STX17: variants seen among roughly 807,000 people sequenced by gnomAD.
STX17 encodes syntaxin-17.
Under a neutral mutation model 35.9 loss-of-function variants are expected in STX17, and 29 were observed. The observed-to-expected ratio is 0.81, with a 90% CI of 0.60 to 1.10. STX17 has a LOEUF of 1.10. Ranked by LOEUF, STX17 falls within the 50% of genes least tolerant of loss-of-function variation. The pLI is 0.00. For missense variants in STX17, 312 were observed against 352.3 expected, an observed-to-expected ratio of 0.89 and a Z score of 0.92; for synonymous variants, 92 against 118.3, an observed-to-expected ratio of 0.78 and a Z score of 1.44.
At position 99,972,255 on chromosome 9, in the gene STX17, A is replaced by G. The variant is rs931906228; in HGVS notation, c.*3582A>G. 3.3e-5 allele frequency among the ~76,000 whole-genome samples: 5 copies of G among 152,246 alleles called. No individual in the cohort carries two copies. The highest frequency in any genetic ancestry group is 2.0e-4 in the Admixed American group (3 of 15,288). ...CACTAGTTATAACCATTGTTTAAAC[A>G]GTGCTTTTTGTGTAATTTAAAAATA... On this transcript the variant is annotated 3_prime_UTR_variant, in exon 8 of 8. Transcript: ENST00000259400.
In STX17 at chr9:99,971,997, T is replaced by A. The variant is rs1415396156; in HGVS notation, c.*3324T>A. 1.3e-5 allele frequency among the ~76,000 whole-genome samples: 2 copies of A among 152,088 alleles called. No individual in the cohort carries two copies. The highest frequency in any genetic ancestry group is 1.9e-4 in the East Asian group (1 of 5,192). ...CAAGACCCTCTCTCAAAAAAATATT[T>A]AAAAAAAGGTGGGTCATCCATTCTC... On this transcript the variant is annotated 3_prime_UTR_variant, in exon 8 of 8. Coordinates refer to ENST00000259400, the MANE Select transcript of STX17 (RefSeq NM_017919.3).
Position 99,954,301 on chromosome 9 carries a change from T to A in STX17, c.415+3016T>A, listed in dbSNP as rs1829665604. Among the ~76,000 whole-genome samples the A allele has an allele frequency of 2.0e-5, 3 of 152,026 alleles. No homozygotes were observed. The South Asian group carries it at 6.2e-4, about 31-fold the overall frequency. ...ATAGTGTATAGAATTTCAAATTCAATAGTCTGCTTGTCATAGTGTGCTTTC... is the reference window on the plus strand; with the variant it reads ...ATAGTGTATAGAATTTCAAATTCAAAAGTCTGCTTGTCATAGTGTGCTTTC... On this transcript the variant is annotated intron_variant, in intron 4 of 7. Transcript: ENST00000259400.
chr9:99,916,309 T>G (rs974815595), intron 2 of STX17: 1 of 171,260 alleles, frequency 5.8e-6, no homozygotes, highest in African/African-American at 2.4e-5. Context: ...TTATGTTGTC[T>G]TATTTGCTGT....
intron 1 of STX17, among the ~76,000 whole-genome samples, chr9:99,909,453 A>G (rs574835957): frequency 3.0e-4 from 45 of 152,352 alleles, no homozygotes; most frequent in African/African-American, 1.0e-3. Context: ...AAACATTTTG[A>G]TAGGAATGAT....
In STX17 at chr9:99,960,156, G is replaced by T; in HGVS notation, c.582+1G>T. On this transcript the variant is annotated splice_donor_variant, in intron 6 of 7. Coordinates refer to ENST00000259400, the MANE Select transcript of STX17 (RefSeq NM_017919.3). LOFTEE classifies it high-confidence loss of function. ...CACTGACTTCTCTCTCCTAGTGAATGTAAGTATATAACTGTTTTGGATGCA... is the reference window on the plus strand; with the variant it reads ...CACTGACTTCTCTCTCCTAGTGAATTTAAGTATATAACTGTTTTGGATGCA... 3.1e-6 allele frequency: 5 copies of T among 1,613,766 alleles called. No homozygotes were observed. Among genetic ancestry groups the T allele is most frequent in the Non-Finnish European group, 4.2e-6 (5 of 1,179,762 alleles).
At chr9:99,930,093 A>G (rs1370969990) in intron 3 of STX17, among the ~76,000 whole-genome samples, 1 of 147,044 alleles carries the variant, frequency 6.8e-6, no homozygotes, top group Non-Finnish European at 1.5e-5. Flanking sequence ...TTGTATTTTT[A>G]GTTGAGATAG....
intron 2 of STX17, among the ~76,000 whole-genome samples, chr9:99,925,656 G>A (rs147613075): frequency 7.2e-5 from 11 of 152,088 alleles, no homozygotes; most frequent in African/African-American, 1.4e-4. Context: ...TGTCATTTTC[G>A]AATACTTCCA....
intron 3 of STX17, 105 bp from the exon 4 acceptor site, chr9:99,950,955 G>T: frequency 9.5e-7 from 1 of 1,047,210 alleles, no homozygotes; most frequent in Non-Finnish European, 1.4e-6. Flanking sequence ...CTATTGTGGA[G>T]ATATTTGTTA....
At position 99,973,276 on chromosome 9, in the gene STX17, G is replaced by T. The variant is rs1351384604; in HGVS notation, c.*4603G>T. Reference sequence around the variant, plus strand: ...TAATTTGCTCTAGATCACAAAACTAGTTAGCACAAGGCTAGGATTATAACC... The same window carrying T: ...TAATTTGCTCTAGATCACAAAACTATTTAGCACAAGGCTAGGATTATAACC... On this transcript the variant is annotated 3_prime_UTR_variant, in exon 8 of 8. Transcript: ENST00000259400. 2.6e-5 allele frequency among the ~76,000 whole-genome samples: 4 copies of T among 151,824 alleles called. No homozygotes were observed. The highest frequency in any genetic ancestry group is 5.9e-5 in the Non-Finnish European group (4 of 67,956).
intron 2 of STX17, among the ~76,000 whole-genome samples, chr9:99,919,137 A>G (rs1828843391): frequency 1.3e-5 from 2 of 152,276 alleles, no homozygotes; most frequent in Middle Eastern, 3.4e-3. Flanking sequence ...GTGATGGAAC[A>G]GGGCAGTTAC....
intron 3 of STX17, among the ~76,000 whole-genome samples, chr9:99,937,027 G>C (rs1829250889): frequency 6.6e-6 from 1 of 152,084 alleles, no homozygotes; most frequent in South Asian, 2.1e-4. Flanking sequence ...GTTTTTAAAA[G>C]AAATTTTGCT....
chr9:99,967,736 G>C lies in STX17; in HGVS notation c.666G>C (p.Gly222=), dbSNP rs1325588259. The C allele has an allele frequency of 4.3e-6, 7 of 1,613,660 alleles. No homozygotes were observed. Among genetic ancestry groups the C allele is most frequent in the Non-Finnish European group, 5.1e-6 (6 of 1,179,774 alleles). ...TTGAAGAGGGAACCAAAAACTTAGG[G>C]AAGGTAAGATTCTGCTCCTGCTGAC... ...VNVEEGTKNL[G]KAAKYKLAAL... is the part of the protein sequence containing the mutation. The change falls in exon 7 of 8, where the codon GGG becomes GGC. Residue 222 remains glycine (G), a synonymous_variant. Transcript: ENST00000259400.
Position 99,974,477 on chromosome 9 carries a change from A to G in STX17, c.*5804A>G, listed in dbSNP as rs1830068847. Among the ~76,000 whole-genome samples, 1 of 152,208 alleles carries G rather than the reference A, an allele frequency of 6.6e-6. No individual in the cohort carries two copies. The highest frequency in any genetic ancestry group is 6.5e-5 in the Admixed American group (1 of 15,278). On this transcript the variant is annotated 3_prime_UTR_variant, in exon 8 of 8. Coordinates refer to ENST00000259400, the MANE Select transcript of STX17 (RefSeq NM_017919.3). Reference sequence around the variant, plus strand: ...TTACTGAATTCATTTGTCATTTATTACATTGCTGAGTGGTGCTTGAATAAG... The same window carrying G: ...TTACTGAATTCATTTGTCATTTATTGCATTGCTGAGTGGTGCTTGAATAAG...
intron 4 of STX17, among the ~76,000 whole-genome samples, chr9:99,958,324 A>G (rs920383988): frequency 1.3e-5 from 2 of 151,998 alleles, no homozygotes; most frequent in Non-Finnish European, 2.9e-5. Context: ...TAGGTTAAAT[A>G]CCTCTCATCT....
At chr9:99,957,239 C>G (rs954554155) in intron 4 of STX17, among the ~76,000 whole-genome samples, 1 of 152,144 alleles carries the variant, frequency 6.6e-6, no homozygotes, top group African/African-American at 2.4e-5. Context: ...TCTAGAAAGG[C>G]TTCCCATGAG....
Position 99,951,224 on chromosome 9 carries a change from G to A in STX17, c.354G>A (p.Lys118=), listed in dbSNP as rs199996195. ...LHLESVEELK[K]QFNDEETLLQ... ...TGGAATCTGTAGAAGAACTTAAGAA[G>A]CAATTTAATGATGAAGAAACTTTGC... Residue 118 remains lysine (K), a synonymous_variant, in exon 4 of 8, where the codon AAG becomes AAA. Coordinates refer to ENST00000259400, the MANE Select transcript of STX17 (RefSeq NM_017919.3). 2.1e-4 allele frequency: 338 copies of A among 1,613,036 alleles called. No homozygotes were observed. The highest frequency in any genetic ancestry group is 6.7e-4 in the Admixed American group (40 of 59,932).
intron 4 of STX17, among the ~76,000 whole-genome samples, chr9:99,954,973 C>T (rs1239631509): frequency 2.0e-5 from 3 of 152,072 alleles, no homozygotes; most frequent in Non-Finnish European, 4.4e-5. Context: ...CTCTGCCAAT[C>T]TTCTTGATCT....
intron 4 of STX17, chr9:99,953,906 G>A (rs1381938750): frequency 1.3e-5 from 2 of 151,864 alleles, no homozygotes; most frequent in Non-Finnish European, 1.5e-5. Flanking sequence ...ACAACTTTGG[G>A]CTTATATGTC....
At position 99,916,687 on chromosome 9, in the gene STX17, A is replaced by G. The variant is rs369619860; in HGVS notation, c.123+1325A>G. 2.2e-3 allele frequency among the ~76,000 whole-genome samples: 334 copies of G among 152,212 alleles called. 1 individual carries two copies. Among genetic ancestry groups the G allele is most frequent in the African/African-American group, 7.7e-3 (320 of 41,540 alleles). On this transcript the variant is annotated intron_variant, in intron 2 of 7. Transcript: ENST00000259400. ...TGCGAATATTTGAAGTCTTTCTAGA[A>G]TTTAGGATTAGTATTTTGTCATCCT...
Sources: allele counts gnomAD v4.1 joint callset (sites outside exome capture counted in the v4.1 genomes callset), GRCh38; gene constraint gnomAD v4.1.1; transcripts MANE v1.5; gene names NCBI Gene and HGNC (gene_info 2026-07-23, HGNC 2026-07-21).